BMPR1B: variants seen among roughly 807,000 people sequenced by gnomAD.
BMPR1B encodes the protein bone morphogenetic protein receptor type 1B.
Under a neutral mutation model 59.1 loss-of-function variants are expected in BMPR1B, and 12 were observed. That is an observed-to-expected ratio of 0.20 (90% CI 0.13 to 0.33). BMPR1B has a LOEUF of 0.33. BMPR1B is among the 10% of genes least tolerant of loss of function. The probability of loss-of-function intolerance (pLI) is 1.00; values close to 1 mark genes in which losing one functional copy is unlikely to be tolerated. For synonymous variants in BMPR1B, 237 were observed against 207.3 expected (o/e 1.14, Z -1.23); for missense variants, 550 against 610.9 (o/e 0.90, Z 1.05).
At chr4:95,097,124 AT>A (rs1399968868) in intron 3 of BMPR1B, among the ~76,000 whole-genome samples, 6 of 82,466 alleles carry the variant, frequency 7.3e-5, no homozygotes, top group Admixed American at 1.4e-4. Context: ...TAATTTATAT[AT>A]TAATTTATAT....
In BMPR1B at chr4:95,102,868, A is replaced by C. The variant is rs115819693; in HGVS notation, c.-17-1540A>C. ...GTTTTTCTAAGTGGAGTCTACAAGT[A>C]ATTTGTTTCAGAATTACATGAGATC... is the stretch of plus-strand genomic sequence containing the variant. On this transcript the variant is annotated intron_variant, in intron 3 of 12. Transcript: ENST00000515059. Among the ~76,000 whole-genome samples, 617 of 152,230 alleles carry C rather than the reference A, an allele frequency of 4.1e-3. 3 individuals carry two copies. Among genetic ancestry groups the C allele is most frequent in the African/African-American group, 0.014 (574 of 41,536 alleles).
intron 10 of BMPR1B, 28 bp from the exon 11 acceptor site, chr4:95,148,720 G>C (rs776634311): frequency 7.5e-6 from 12 of 1,609,198 alleles, no homozygotes; most frequent in South Asian, 1.1e-5. Flanking sequence ...CTTCAATGCT[G>C]TAATGCTTTG....
chr4:94,957,750 G>A (rs1348006295), intron 2 of BMPR1B, among the ~76,000 whole-genome samples: 1 of 152,054 alleles, frequency 6.6e-6, no homozygotes, highest in African/African-American at 2.4e-5. Flanking sequence ...TTCGCTTTGA[G>A]ATCTAAGATG....
intron 3 of BMPR1B, among the ~76,000 whole-genome samples, chr4:95,003,343 G>A (rs989858596): frequency 6.6e-6 from 1 of 151,202 alleles, no homozygotes; most frequent in Non-Finnish European, 1.5e-5. Flanking sequence ...TTGTATTCTT[G>A]TGCCACAAAT....
chr4:94,763,140 A>G lies in BMPR1B; in HGVS notation c.-183+5072A>G, dbSNP rs187995983. ...ACGCTTGGTTCTTTCTGAAAAGCAG[A>G]GTGGTGAGCATCCTTGAATGAGCAT... On this transcript the variant is annotated intron_variant, in intron 1 of 12. Coordinates refer to ENST00000515059, the MANE Select transcript of BMPR1B (RefSeq NM_001203.3). 1.3e-3 allele frequency among the ~76,000 whole-genome samples: 191 copies of G among 152,266 alleles called. 2 individuals are homozygous for G. Among genetic ancestry groups the G allele is most frequent in the Non-Finnish European group, 2.0e-3 (139 of 68,018 alleles).
At chr4:94,765,398 A>G (rs949158631) in intron 1 of BMPR1B, among the ~76,000 whole-genome samples, 1 of 152,174 alleles carries the variant, frequency 6.6e-6, no homozygotes, top group African/African-American at 2.4e-5. Context: ...TTAATGTGTA[A>G]TCTGATAGTT....
chr4:94,795,970 CT>C (rs34107733), intron 1 of BMPR1B, among the ~76,000 whole-genome samples: 38 of 146,380 alleles, frequency 2.6e-4, no homozygotes, highest in Admixed American at 4.8e-4. Context: ...CTTTTTTTAA[CT>C]TTTTTTTTTT....
At chr4:94,993,825 A>G (rs546736428) in intron 2 of BMPR1B, among the ~76,000 whole-genome samples, 190 of 151,740 alleles carry the variant, frequency 1.3e-3, no homozygotes, top group African/African-American at 4.1e-3. Context: ...TTATTAAAAT[A>G]TGTAAAAATT....
At chr4:94,926,307 A>C (rs1020094805) in intron 2 of BMPR1B, among the ~76,000 whole-genome samples, 19 of 151,548 alleles carry the variant, frequency 1.3e-4, no homozygotes, top group Non-Finnish European at 1.9e-4. Flanking sequence ...TTTGTATCAG[A>C]CTCTTCTTGG....
intron 2 of BMPR1B, among the ~76,000 whole-genome samples, chr4:94,924,717 G>A (rs1047044270): frequency 2.0e-5 from 3 of 152,032 alleles, no homozygotes; most frequent in Admixed American, 6.6e-5. Flanking sequence ...TGTATTTAAC[G>A]TTTCTTGCTA....
intron 2 of BMPR1B, among the ~76,000 whole-genome samples, chr4:94,994,490 G>C (rs954633290): frequency 1.3e-5 from 2 of 152,096 alleles, no homozygotes; most frequent in African/African-American, 4.8e-5. Flanking sequence ...TTCTTGCTAC[G>C]TTGTTTTACA....
intron 2 of BMPR1B, among the ~76,000 whole-genome samples, chr4:94,947,694 G>A (rs185123217): frequency 8.3e-4 from 127 of 152,292 alleles, no homozygotes; most frequent in Non-Finnish European, 9.8e-4. Flanking sequence ...TCCCTGCTGG[G>A]CACGTAGTCA....
At chr4:95,154,127 G>T (rs956385503) in intron 12 of BMPR1B, among the ~76,000 whole-genome samples, 1 of 152,188 alleles carries the variant, frequency 6.6e-6, no homozygotes, top group Non-Finnish European at 1.5e-5. Flanking sequence ...CTTGTTAAAT[G>T]GTGCAGTGTG....
At chr4:94,843,937 A>T (rs747570171) in intron 1 of BMPR1B, among the ~76,000 whole-genome samples, 1 of 152,140 alleles carries the variant, frequency 6.6e-6, no homozygotes, top group African/African-American at 2.4e-5. Context: ...CTTCTAAGAC[A>T]TATGAAATGT....
chr4:94,892,853 C>G (rs1326426537), intron 2 of BMPR1B, among the ~76,000 whole-genome samples: 1 of 151,954 alleles, frequency 6.6e-6, no homozygotes, highest in South Asian at 2.1e-4. Context: ...TGCATTTTGT[C>G]AATGGTATGT....
intron 3 of BMPR1B, among the ~76,000 whole-genome samples, chr4:95,008,142 A>G (rs1174913039): frequency 6.6e-6 from 1 of 152,178 alleles, no homozygotes. Context: ...TATGTCAGTA[A>G]AGAGTTTATA....
intron 1 of BMPR1B, among the ~76,000 whole-genome samples, chr4:94,848,042 T>C (rs1725409235): frequency 6.6e-6 from 1 of 152,164 alleles, no homozygotes; most frequent in South Asian, 2.1e-4. Flanking sequence ...ACTCCATAAA[T>C]GTATACACCT....
chr4:94,956,911 C>T (rs1416063653), intron 2 of BMPR1B, among the ~76,000 whole-genome samples: 3 of 152,016 alleles, frequency 2.0e-5, no homozygotes, highest in Non-Finnish European at 4.4e-5. Flanking sequence ...AAGAAAACTG[C>T]ATATTTTCAA....
At chr4:94,908,061 T>TAAAAAAAAAAAAAAAAAAAAAAAA (rs571793477) in intron 2 of BMPR1B, among the ~76,000 whole-genome samples, 3 of 46,256 alleles carry the variant, frequency 6.5e-5, no homozygotes, top group African/African-American at 1.4e-4. Flanking sequence ...ACCCTGTCTT[T>TAAAAAAAAAAAAAAAAAAAAAAAA]AAAAAAAAAA....
Sources: allele counts gnomAD v4.1 joint callset (sites outside exome capture counted in the v4.1 genomes callset), GRCh38; gene constraint gnomAD v4.1.1; transcripts MANE v1.5; gene names NCBI Gene and HGNC (gene_info 2026-07-23, HGNC 2026-07-21).